The following PHACTR2 variants were observed in gnomAD, a reference collection of about 807,000 sequenced individuals.
PHACTR2 encodes the protein chromosome 6 open reading frame 56.
In PHACTR2, 30 loss-of-function variants were observed where a neutral mutation model predicts 76.0. The ratio of observed to expected loss-of-function variants is 0.39; its 90% CI spans 0.30 to 0.54. The LOEUF (loss-of-function observed/expected upper bound fraction) is 0.54, where lower values mean the gene tolerates loss of function less well. Among genes scored for constraint, PHACTR2 ranks in the 20% least tolerant of loss-of-function variants. The pLI is 0.61. For synonymous variants in PHACTR2, 292 were observed against 292.5 expected, an observed-to-expected ratio of 1.00 and a Z score of 0.02; for missense variants, 696 against 781.1, an observed-to-expected ratio of 0.89 and a Z score of 1.30.
Position 143,623,313 on chromosome 6 carries a change from A to C in PHACTR2, c.13+14991A>C, listed in dbSNP as rs1228997894. Reference sequence around the variant, plus strand: ...TCTTAATATATGGAGAGAGAAAAAAATGTCATCATAATACCCAAATGAAGG... The same window carrying C: ...TCTTAATATATGGAGAGAGAAAAAACTGTCATCATAATACCCAAATGAAGG... On this transcript the variant is annotated intron_variant, in intron 1 of 11. Transcript: ENST00000305766. The surrounding 1 kb of genome is among the most constrained non-coding windows in gnomAD (Gnocchi z 5.9). Among the ~76,000 whole-genome samples, 1 of 152,176 alleles carries C rather than the reference A, an allele frequency of 6.6e-6. No individual in the cohort carries two copies. The highest frequency in any genetic ancestry group is 1.5e-5 in the Non-Finnish European group (1 of 68,038).
rs866746564 is a variant in PHACTR2, at chr6:143,592,085, G to T, written c.217+54878G>T. On this transcript the variant is annotated intron_variant, in intron 1 of 11. Transcript: ENST00000367584. The surrounding 1 kb of genome is among the most constrained non-coding windows in gnomAD (Gnocchi z 4.0). ...GACCTGGTGGTGCTCTGAGGAGTGG[G>T]TGCTTCAGGCCAGGAGCCAACTCTC... Among the ~76,000 whole-genome samples, 1 of 152,186 alleles carries T rather than the reference G, an allele frequency of 6.6e-6. No homozygotes were observed. The highest frequency in any genetic ancestry group is 1.5e-5 in the Non-Finnish European group (1 of 68,036).
At chr6:143,677,563 T>A (rs1161526857), upstream of PHACTR2, among the ~76,000 whole-genome samples, 1 of 152,140 alleles carries the variant, frequency 6.6e-6, no homozygotes, top group African/African-American at 2.4e-5. Flanking sequence ...TTTAAAAAAT[T>A]ATATTTGTTA....
At chr6:143,686,076 G>C (rs1777513271) in intron 1 of PHACTR2, among the ~76,000 whole-genome samples, 3 of 150,284 alleles carry the variant, frequency 2.0e-5, no homozygotes, top group Non-Finnish European at 4.4e-5. Flanking sequence ...AGGTTGTAGT[G>C]AGCCAAGATT....
Position 143,659,382 on chromosome 6 carries a change from G to T in PHACTR2, c.13+51060G>T, listed in dbSNP as rs1175694322. ...AAAACCCTCTGCTGAGGGTGTCAGG[G>T]TCTCATGAAGCTGCAGTCAAGGTGT... On this transcript the variant is annotated intron_variant, in intron 1 of 11. Transcript: ENST00000305766. This position sits in a 1 kb window ranked among gnomAD's most constrained non-coding sequence, Gnocchi z 5.0. Among the ~76,000 whole-genome samples, 1 of 152,182 alleles carries T rather than the reference G, an allele frequency of 6.6e-6. No individual in the cohort carries two copies. Among genetic ancestry groups the T allele is most frequent in the Non-Finnish European group, 1.5e-5 (1 of 68,038 alleles).
Position 143,738,978 on chromosome 6 carries a change from C to T in PHACTR2, c.215-10007C>T, listed in dbSNP as rs537784403. The stretch of plus-strand genomic sequence containing the variant: ...TGTTAGAAGTTCAGGCTCTCTGGAG[C>T]TTCTCTTCCAATGGCTATTGTTTAT... On this transcript the variant is annotated intron_variant, in intron 2 of 12. Coordinates refer to ENST00000440869, the MANE Select transcript of PHACTR2 (RefSeq NM_001100164.2). This position sits in a 1 kb window ranked among gnomAD's most constrained non-coding sequence, Gnocchi z 4.0. Among the ~76,000 whole-genome samples, 5 of 152,304 alleles carry T rather than the reference C, an allele frequency of 3.3e-5. No homozygotes were observed. The highest frequency in any genetic ancestry group is 7.3e-5 in the Non-Finnish European group (5 of 68,028).
At position 143,755,303 on chromosome 6, in the gene PHACTR2, A is replaced by G; in HGVS notation, c.454+1391A>G. On this transcript the variant is annotated intron_variant, in intron 4 of 12. Coordinates refer to ENST00000440869, the MANE Select transcript of PHACTR2 (RefSeq NM_001100164.2). The surrounding 1 kb of genome is among the most constrained non-coding windows in gnomAD (Gnocchi z 5.2). ...TTAAGTCTTTCTGTCCTGTCTCGCC[A>G]GACTGTTGAATTTCAAATCCATCTG... The G allele has an allele frequency of 2.2e-6, 1 of 456,052 alleles. No homozygotes were observed. The highest frequency in any genetic ancestry group is 4.4e-6 in the Non-Finnish European group (1 of 226,794). The allele number at this position is 456,052 out of a possible 1,614,324, so 28.3% of individuals were successfully genotyped here.
intron 1 of PHACTR2, among the ~76,000 whole-genome samples, chr6:143,620,226 T>A (rs577766102): frequency 1.3e-5 from 2 of 152,160 alleles, no homozygotes; most frequent in Non-Finnish European, 2.9e-5. Flanking sequence ...TGTCAGTCTT[T>A]TTGTCACAGC....
rs142484253 is a variant in PHACTR2 at position 143,722,241 on chromosome 6, C to T, written c.214+10058C>T. Among the ~76,000 whole-genome samples the T allele has an allele frequency of 4.4e-3, 674 of 151,996 alleles. 5 individuals are homozygous for T. The highest frequency in any genetic ancestry group is 0.011 in the South Asian group (54 of 4,802). On this transcript the variant is annotated intron_variant, in intron 2 of 12. Coordinates refer to ENST00000440869, the MANE Select transcript of PHACTR2 (RefSeq NM_001100164.2). The surrounding 1 kb of genome is among the most constrained non-coding windows in gnomAD (Gnocchi z 4.1). Reference sequence around the variant, plus strand: ...TATATTTTCTGTTCTTTCTCTGTACCCTCATGTGGATATATGTACATATCA... The same window carrying T: ...TATATTTTCTGTTCTTTCTCTGTACTCTCATGTGGATATATGTACATATCA...
Position 143,772,443 on chromosome 6 carries a change from A to G in PHACTR2, c.1418A>G (p.Asp473Gly), listed in dbSNP as rs777981533. The G allele has an allele frequency of 6.2e-7, 1 of 1,613,700 alleles. No homozygotes were observed. Among genetic ancestry groups the G allele is most frequent in the South Asian group, 1.1e-5 (1 of 91,036 alleles). Residue 473 changes from aspartate (D) to glycine (G), a missense_variant, in exon 7 of 13, where the codon GAT becomes GGT. By Grantham distance (94) the Asp-to-Gly change is moderately conservative. This residue lies in a region of PHACTR2 where 236 missense variants were observed against 330.2 expected (regional missense o/e 0.71). Transcript: ENST00000440869. This position sits in a 1 kb window ranked among gnomAD's most constrained non-coding sequence, Gnocchi z 5.4. ...GATGAGGACGAAGACGAAGATGAGGATGGCAGTGGAGAAAGTAAGACTGTT... is the reference window on the plus strand; with the variant it reads ...GATGAGGACGAAGACGAAGATGAGGGTGGCAGTGGAGAAAGTAAGACTGTT... ...TDDEDEDEDEDGSGESALASK... is the reference protein window; with the variant it reads ...TDDEDEDEDEGGSGESALASK...
chr6:143,618,890 G>T lies in PHACTR2; in HGVS notation c.13+10568G>T, dbSNP rs1157952788. Among the ~76,000 whole-genome samples the T allele has an allele frequency of 6.6e-6, 1 of 152,044 alleles. No individual in the cohort carries two copies. The highest frequency in any genetic ancestry group is 1.5e-5 in the Non-Finnish European group (1 of 68,036). On this transcript the variant is annotated intron_variant, in intron 1 of 11. Transcript: ENST00000305766. The surrounding 1 kb of genome is among the most constrained non-coding windows in gnomAD (Gnocchi z 5.2). ...TCATGCTGCTTCACGTGCTCCTCAAGAACAGGGCCACGTCTCCTTCTTGAG... is the reference window on the plus strand; with the variant it reads ...TCATGCTGCTTCACGTGCTCCTCAATAACAGGGCCACGTCTCCTTCTTGAG...
intron 1 of PHACTR2, among the ~76,000 whole-genome samples, chr6:143,649,028 G>A (rs1776710387): frequency 6.6e-6 from 1 of 151,984 alleles, no homozygotes; most frequent in Non-Finnish European, 1.5e-5. Flanking sequence ...GTGTCTATGT[G>A]CATGACTGTG....
At position 143,608,221 on chromosome 6, in the gene PHACTR2, T is replaced by C. The variant is rs9484781; in HGVS notation, c.-89T>C. On this transcript the variant is annotated 5_prime_UTR_variant, in exon 1 of 12. Coordinates refer to the PHACTR2 transcript ENST00000305766. This position sits in a 1 kb window ranked among gnomAD's most constrained non-coding sequence, Gnocchi z 4.6. ...TCAGTGTGCCAGCAAGGGCTGATAA[T>C]CAGCAGAAGGACAGGGTGCTTCGTT... 1.9e-3 allele frequency: 2,542 copies of C among 1,358,626 alleles called. 21 individuals are homozygous for C. In the African/African-American group the frequency reaches 0.019, roughly 10 times the overall value. 84.2% of individuals were successfully genotyped at this position (1,358,626 alleles called of 1,614,324 possible). A position where few individuals can be genotyped will look rare whatever the true frequency, so the allele number is the denominator to read the frequency against.
rs145706092 is a variant in PHACTR2, at chr6:143,685,688, G to GAAA, written c.46+7494_46+7496dup. 9.2e-3 allele frequency among the ~76,000 whole-genome samples: 718 copies of GAAA among 78,288 alleles called. 10 individuals carry two copies. The highest frequency in any genetic ancestry group is 0.026 in the African/African-American group (664 of 25,722). 51.4% of individuals were successfully genotyped at this position (78,288 alleles called of 152,430 possible). A position where few individuals can be genotyped will look rare whatever the true frequency, so the allele number is the denominator to read the frequency against. On this transcript the variant is annotated intron_variant, in intron 1 of 12. Coordinates refer to ENST00000440869, the MANE Select transcript of PHACTR2 (RefSeq NM_001100164.2). ...TGAAATAAGGTTTAAGCAATTAAATGAAAAAAAAAAAAAAAAAGGGATGCA... is the reference window on the plus strand; with the variant it reads ...TGAAATAAGGTTTAAGCAATTAAATGAAAAAAAAAAAAAAAAAAAAGGGATGCA...
chr6:143,768,101 G>A (rs1333413519), intron 6 of PHACTR2, among the ~76,000 whole-genome samples: 1 of 152,150 alleles, frequency 6.6e-6, no homozygotes, highest in African/African-American at 2.4e-5. Flanking sequence ...CTTCCAAAGT[G>A]CTGGGACTAC....
chr6:143,765,241 G>A lies in PHACTR2; in HGVS notation c.695-20G>A, dbSNP rs1779528546. ...GCATTGTATTCTTTGATTTTTTAAT[G>A]CAAGGTCTCTCTATTGTAGCTGGCT... On this transcript the variant is annotated intron_variant, in intron 5 of 12. Transcript: ENST00000440869. This position sits in a 1 kb window ranked among gnomAD's most constrained non-coding sequence, Gnocchi z 4.1. 1 of 1,571,426 alleles carries A rather than the reference G, an allele frequency of 6.4e-7. No individual in the cohort carries two copies. The highest frequency in any genetic ancestry group is 8.6e-7 in the Non-Finnish European group (1 of 1,158,078).
At chr6:143,706,114 A>G (rs1778047231) in intron 1 of PHACTR2, among the ~76,000 whole-genome samples, 1 of 152,106 alleles carries the variant, frequency 6.6e-6, no homozygotes. Flanking sequence ...GAAACTCTTG[A>G]GTGGGCTCCT....
chr6:143,670,258 C>T (rs1777128933), intron 1 of PHACTR2, among the ~76,000 whole-genome samples: 1 of 152,184 alleles, frequency 6.6e-6, no homozygotes. Context: ...CAACCTTTCT[C>T]TCTGGCTGCC....
intron 1 of PHACTR2, among the ~76,000 whole-genome samples, chr6:143,563,172 A>C (rs189821845): frequency 2.0e-5 from 3 of 152,316 alleles, no homozygotes; most frequent in Non-Finnish European, 4.4e-5. Flanking sequence ...GGGAAGAAAC[A>C]ACTGAAAAAA....
chr6:143,613,039 C>T (rs1484608958), intron 1 of PHACTR2, among the ~76,000 whole-genome samples: 1 of 152,220 alleles, frequency 6.6e-6, no homozygotes, highest in Non-Finnish European at 1.5e-5. Context: ...TGCGGTGGCG[C>T]AATCTCGGCT....
Sources: gnomAD v4.1 joint callset for allele counts (sites outside exome capture counted in the v4.1 genomes callset) on GRCh38, gnomAD v4.1.1 for gene constraint, gnomAD v4.1.1 regional missense constraint, Gnocchi (gnomAD v3.1) non-coding constraint, MANE v1.5 for transcripts, NCBI Gene and HGNC (gene_info 2026-07-23, HGNC 2026-07-21) for gene names.